Variants in NRXN3 observed in about 807,000 individuals in gnomAD.
NRXN3 encodes neurexin 3.
Under a neutral mutation model 137.6 loss-of-function variants are expected in NRXN3, and 32 were observed. That is an observed-to-expected ratio of 0.23 (90% CI 0.18 to 0.31). The LOEUF (loss-of-function observed/expected upper bound fraction) is 0.31, where lower values mean the gene tolerates loss of function less well. NRXN3 is among the 10% of genes least tolerant of loss of function. The pLI is 1.00. For missense variants in NRXN3, 1,574 were observed against 2,062.5 expected (o/e 0.76, Z 4.59); for synonymous variants, 798 against 784.5 (o/e 1.02, Z -0.29).
At chr14:79,806,960 ATATTTTTTTT>A (rs2099209572) in intron 20 of NRXN3, among the ~76,000 whole-genome samples, 4 of 51,808 alleles carry the variant, frequency 7.7e-5, no homozygotes, top group East Asian at 1.3e-3. Context: ...ATATATATAT[ATATTTTTTTT>A]TTTTTTTTTT....
intron 19 of NRXN3, among the ~76,000 whole-genome samples, chr14:79,730,202 G>GGCCACAGCATCCCACTTTGT (rs570320670): frequency 5.3e-4 from 81 of 152,222 alleles, no homozygotes; most frequent in African/African-American, 1.9e-3. Flanking sequence ...CAAAAATCTA[G>GGCCACAGCATCCCACTTTGT]GCCACAGCAT....
chr14:78,726,975 A>AAC (rs1567160665), intron 8 of NRXN3, among the ~76,000 whole-genome samples: 1 of 151,892 alleles, frequency 6.6e-6, no homozygotes, highest in African/African-American at 2.4e-5. Flanking sequence ...AAAAAAAAAA[A>AAC]AAACCTTCAC....
intron 1 of NRXN3, among the ~76,000 whole-genome samples, chr14:78,189,913 A>G (rs1408212638): frequency 6.6e-6 from 1 of 152,074 alleles, no homozygotes; most frequent in Admixed American, 6.5e-5. Flanking sequence ...CCACAACAGC[A>G]CTTTCCTCCC....
chr14:78,803,553 AG>A, intron 8 of NRXN3, 66 bp from the exon 9 acceptor site: 1 of 1,469,782 alleles, frequency 6.8e-7, no homozygotes, highest in Non-Finnish European at 9.5e-7. Flanking sequence ...TTAGCCTGAA[AG>A]CAAAGGGGTA....
At chr14:79,486,739 A>G (rs1205981331) in intron 16 of NRXN3, among the ~76,000 whole-genome samples, 2 of 152,234 alleles carry the variant, frequency 1.3e-5, no homozygotes, top group Non-Finnish European at 2.9e-5. Context: ...TGCAGAAAAT[A>G]CATAGTGTTC....
At chr14:78,575,290 G>A (rs2096926108) in intron 4 of NRXN3, among the ~76,000 whole-genome samples, 1 of 152,184 alleles carries the variant, frequency 6.6e-6, no homozygotes, top group South Asian at 2.1e-4. Context: ...AGTGATCATA[G>A]GATGGTAATA....
At chr14:78,482,445 G>A (rs1326854123) in intron 4 of NRXN3, among the ~76,000 whole-genome samples, 1 of 152,236 alleles carries the variant, frequency 6.6e-6, no homozygotes, top group Admixed American at 6.5e-5. Flanking sequence ...TCCTCAAGGG[G>A]AGACAATGAA....
intron 4 of NRXN3, among the ~76,000 whole-genome samples, chr14:78,313,508 C>T (rs974024572): frequency 2.6e-5 from 4 of 151,928 alleles, no homozygotes; most frequent in African/African-American, 4.8e-5. Context: ...AAAACTTTCT[C>T]GTATCAGTTT....
At chr14:79,220,786 G>A (rs1473435685) in intron 15 of NRXN3, among the ~76,000 whole-genome samples, 1 of 151,546 alleles carries the variant, frequency 6.6e-6, no homozygotes, top group Admixed American at 6.6e-5. Context: ...TTAAGTTCTG[G>A]GATACATGTG....
chr14:78,416,671 C>T (rs2093157532), intron 4 of NRXN3, among the ~76,000 whole-genome samples: 1 of 152,192 alleles, frequency 6.6e-6, no homozygotes, highest in Non-Finnish European at 1.5e-5. Context: ...CTAATGCATG[C>T]CATTGGCTTT....
chr14:78,461,041 T>C (rs1293453584), intron 4 of NRXN3, among the ~76,000 whole-genome samples: 3 of 152,248 alleles, frequency 2.0e-5, no homozygotes, highest in Non-Finnish European at 4.4e-5. Flanking sequence ...AACGTTTTTA[T>C]ATGTCCATAA....
chr14:78,587,844 GT>G lies in NRXN3; in HGVS notation c.758-57269del, dbSNP rs542012290. Among the ~76,000 whole-genome samples the G allele has an allele frequency of 2.6e-5, 4 of 152,116 alleles. No individual in the cohort carries two copies. The East Asian group carries it at 7.7e-4, about 29-fold the overall frequency. ...TTTCTATATTTTGTGTTGTTTACCA[GT>G]TTTTTTCAGCTTCTTTAAAAATAGA... On this transcript the variant is annotated intron_variant, in intron 4 of 20. Transcript: ENST00000335750.
intron 16 of NRXN3, among the ~76,000 whole-genome samples, chr14:79,612,693 A>T (rs1237945915): frequency 2.6e-5 from 4 of 152,032 alleles, no homozygotes; most frequent in Non-Finnish European, 4.4e-5. Flanking sequence ...CTACATAAAA[A>T]TTTTACAATT....
intron 4 of NRXN3, among the ~76,000 whole-genome samples, chr14:78,412,290 A>G (rs1598379350): frequency 6.6e-6 from 1 of 152,204 alleles, no homozygotes; most frequent in East Asian, 1.9e-4. Context: ...CTGGCACAGC[A>G]ACCATAACAT....
chr14:79,517,091 AG>A (rs1185747717), intron 16 of NRXN3, among the ~76,000 whole-genome samples: 1 of 61,432 alleles, frequency 1.6e-5, no homozygotes. Flanking sequence ...ACAAATGTAC[AG>A]CCCCCCCCCC....
In NRXN3 at chr14:78,918,835, C is replaced by G. The variant is rs766081545; in HGVS notation, c.2276-38407C>G. Among the ~76,000 whole-genome samples, 54 of 152,206 alleles carry G rather than the reference C, an allele frequency of 3.5e-4. 1 individual carries two copies. The highest frequency in any genetic ancestry group is 1.4e-3 in the Admixed American group (21 of 15,288). On this transcript the variant is annotated intron_variant, in intron 10 of 20. Transcript: ENST00000335750. ...ACAGGTTTGTAGCCTAGGAGCATAC[C>G]ATATAGTTCAGGTGTGTAGAGGTTA...
chr14:79,096,201 G>A (rs536658483), intron 15 of NRXN3, among the ~76,000 whole-genome samples: 6 of 151,460 alleles, frequency 4.0e-5, no homozygotes, highest in South Asian at 2.1e-4. Context: ...TCTGCCTCCC[G>A]GGTTCAAGCA....
chr14:78,886,555 TATG>T (rs2099144401), intron 10 of NRXN3, among the ~76,000 whole-genome samples: 1 of 152,144 alleles, frequency 6.6e-6, no homozygotes, highest in Non-Finnish European at 1.5e-5. Context: ...AGCTAGATTC[TATG>T]ATAAGTGATT....
intron 4 of NRXN3, among the ~76,000 whole-genome samples, chr14:78,444,154 A>T (rs952796936): frequency 1.3e-5 from 2 of 152,214 alleles, no homozygotes; most frequent in African/African-American, 4.8e-5. Flanking sequence ...ATAAACCAAC[A>T]TTTATTGACC....
Sources: gnomAD v4.1 joint callset for allele counts (sites outside exome capture counted in the v4.1 genomes callset) on GRCh38, gnomAD v4.1.1 for gene constraint, MANE v1.5 for transcripts, NCBI Gene and HGNC (gene_info 2026-07-23, HGNC 2026-07-21) for gene names.